The following CPHXL variants were observed in gnomAD, a reference collection of about 807,000 sequenced individuals.
CPHXL encodes cytoplasmic polyadenylated homeobox-like protein.
intron 1 of CPHXL, among the ~76,000 whole-genome samples, chr16:75,722,425 T>C (rs1171392198): frequency 1.3e-5 from 2 of 152,080 alleles, no homozygotes; most frequent in African/African-American, 2.4e-5. Context: ...AAAGGGGATA[T>C]CATCACTGAT....
At chr16:75,715,628 T>A (rs1959379589) in intron 2 of CPHXL, among the ~76,000 whole-genome samples, 2 of 152,186 alleles carry the variant, frequency 1.3e-5, no homozygotes, top group Admixed American at 6.5e-5. Context: ...ACCCTGCTAC[T>A]TTACTCATAC....
chr16:75,720,738 A>G (rs1382325688), intron 1 of CPHXL, among the ~76,000 whole-genome samples: 5 of 125,110 alleles, frequency 4.0e-5, no homozygotes, highest in Admixed American at 1.4e-4. Context: ...ATTCACATTC[A>G]GGAAATACAG....
chr16:75,719,506 C>T (rs2151839151), intron 1 of CPHXL, among the ~76,000 whole-genome samples: 1 of 152,296 alleles, frequency 6.6e-6, no homozygotes, highest in East Asian at 1.9e-4. Flanking sequence ...TCGCTCACTG[C>T]TAGCACAGCA....
intron 1 of CPHXL, among the ~76,000 whole-genome samples, chr16:75,722,931 C>T (rs569428191): frequency 1.3e-4 from 20 of 152,162 alleles, no homozygotes; most frequent in Non-Finnish European, 2.4e-4. Flanking sequence ...CCCTGGGATG[C>T]AAGGCTGGTT....
intron 2 of CPHXL, among the ~76,000 whole-genome samples, chr16:75,716,620 C>T (rs1017614451): frequency 1.3e-5 from 2 of 152,234 alleles, no homozygotes; most frequent in African/African-American, 4.8e-5. Flanking sequence ...CCTCTTCAAA[C>T]TCAGTGTCTT....
At chr16:75,718,233 T>A in intron 2 of CPHXL, 32 bp downstream of exon 2, 1 of 398,020 alleles carries the variant, frequency 2.5e-6, no homozygotes, top group Non-Finnish European at 4.4e-6. Context: ...AAAAAAAATC[T>A]AGGAAATATA....
Position 75,715,066 on chromosome 16 carries a change from G to C in CPHXL, c.376C>G (p.Leu126Val), listed in dbSNP as rs1642650137. ...ATCAGAGCCCTCTGGGCACCAGAGAGGCTCTGCTTGGTGGCATAGTTGTGA... is the reference window on the plus strand; with the variant it reads ...ATCAGAGCCCTCTGGGCACCAGAGACGCTCTGCTTGGTGGCATAGTTGTGA... ...AAHNYATKQSLSGAQRALMRR... is the reference protein window; with the variant it reads ...AAHNYATKQSVSGAQRALMRR... Residue 126 changes from leucine to valine, a missense_variant, in exon 3 of 3, where the codon CTC becomes GTC. Transcript: ENST00000640559. The C allele has an allele frequency of 2.5e-6, 1 of 398,634 alleles. No homozygotes were observed. The highest frequency in any genetic ancestry group is 2.1e-5 in the African/African-American group (1 of 48,636). 24.7% of individuals were successfully genotyped at this position (398,634 alleles called of 1,614,324 possible). A position where few individuals can be genotyped will look rare whatever the true frequency, so the allele number is the denominator to read the frequency against.
chr16:75,722,644 C>A (rs1162134103), intron 1 of CPHXL, among the ~76,000 whole-genome samples: 2 of 152,154 alleles, frequency 1.3e-5, no homozygotes, highest in Non-Finnish European at 2.9e-5. Context: ...CAGGACCAGA[C>A]GGATTCACAG....
intron 1 of CPHXL, among the ~76,000 whole-genome samples, chr16:75,720,515 C>T (rs113498972): frequency 8.2e-4 from 124 of 152,056 alleles, no homozygotes; most frequent in African/African-American, 2.9e-3. Context: ...GATGGAAGAT[C>T]AAAGGAATGC....
chr16:75,718,134 C>T (rs1301181710), intron 2 of CPHXL, 131 bp downstream of exon 2: 2 of 389,954 alleles, frequency 5.1e-6, no homozygotes, highest in Non-Finnish European at 9.0e-6. Context: ...GGGGGAATCA[C>T]CTGAGCCTGG....
chr16:75,725,704 G>A (rs11862062), intron 1 of CPHXL, among the ~76,000 whole-genome samples: 1,987 of 147,646 alleles, frequency 0.013, 49 homozygotes, highest in African/African-American at 0.047. Flanking sequence ...CACCCGCCTC[G>A]GCCTCACAAA....
At chr16:75,720,305 G>A (rs201292787) in intron 1 of CPHXL, among the ~76,000 whole-genome samples, 32 of 152,106 alleles carry the variant, frequency 2.1e-4, no homozygotes, top group Non-Finnish European at 3.4e-4. Context: ...AAACTACTCC[G>A]AGCTAAAGGA....
chr16:75,722,439 A>G (rs962867946), intron 1 of CPHXL, among the ~76,000 whole-genome samples: 19 of 152,238 alleles, frequency 1.2e-4, no homozygotes, highest in African/African-American at 4.1e-4. Flanking sequence ...CACTGATCCC[A>G]CAGAAATACA....
chr16:75,714,317 G>A lies in CPHXL; in HGVS notation c.1125C>T (p.Leu375=), dbSNP rs1401391310. ...PLCSQLQHMS[L]QIAADSPLLP... is the part of the protein sequence containing the mutation. Reference sequence around the variant, plus strand: ...GAAGGGGTGAGTCGGCAGCTATTTGGAGAGACATGTGCTGCAGTTGAGAGC... The same window carrying A: ...GAAGGGGTGAGTCGGCAGCTATTTGAAGAGACATGTGCTGCAGTTGAGAGC... Residue 375 remains leucine (L), a synonymous_variant, in exon 3 of 3, where the codon CTC becomes CTT. Coordinates refer to ENST00000640559, the MANE Select transcript of CPHXL (RefSeq NM_001355613.1). 1 of 398,488 alleles carries A rather than the reference G, an allele frequency of 2.5e-6. No homozygotes were observed. Among genetic ancestry groups the A allele is most frequent in the African/African-American group, 2.1e-5 (1 of 48,614 alleles). 24.7% of individuals were successfully genotyped at this position (398,488 alleles called of 1,614,324 possible).
At position 75,718,281 on chromosome 16, in the gene CPHXL, G is replaced by T. The variant is rs184909551; in HGVS notation, c.203C>A (p.Pro68Gln). Reference protein sequence around the residue: ...RKTLAIKFDCPVNVIDNWFQN... With the variant: ...RKTLAIKFDCQVNVIDNWFQN... ...TGAACTTACATCTATCACATTTACCGGACAATCAAATTTGATGGCCAGTGT... is the reference window on the plus strand; with the variant it reads ...TGAACTTACATCTATCACATTTACCTGACAATCAAATTTGATGGCCAGTGT... The change falls in exon 2 of 3, where the codon CCG becomes CAG. Residue 68 changes from proline (P) to glutamine (Q), a missense_variant. Transcript: ENST00000640559. 1 of 398,372 alleles carries T rather than the reference G, an allele frequency of 2.5e-6. No homozygotes were observed. Among genetic ancestry groups the T allele is most frequent in the African/African-American group, 2.1e-5 (1 of 48,544 alleles). The allele number at this position is 398,372 out of a possible 1,614,324, so 24.7% of individuals were successfully genotyped here.
chr16:75,721,191 G>C (rs9746035), intron 1 of CPHXL, among the ~76,000 whole-genome samples: 90,775 of 151,964 alleles, frequency 0.6, 30,540 homozygotes, highest in East Asian at 0.96. Context: ...GAAACTGCAT[G>C]AACTAAGGGG....
rs370908764 is a variant in CPHXL at position 75,716,287 on chromosome 16, C to G, written c.220-1065G>C. 4.6e-5 allele frequency among the ~76,000 whole-genome samples: 7 copies of G among 152,276 alleles called. No individual in the cohort carries two copies. In the East Asian group the frequency reaches 5.8e-4, roughly 13 times the overall value. On this transcript the variant is annotated intron_variant, in intron 2 of 2. Coordinates refer to ENST00000640559, the MANE Select transcript of CPHXL (RefSeq NM_001355613.1). ...GACACTATGTACCTGGAAATACTGT[C>G]AGATCCCACAGGTCGAGGGCTCAGT...
rs532889389 is a variant in CPHXL at position 75,722,535 on chromosome 16, A to T, written c.25+3883T>A. 3.3e-5 allele frequency among the ~76,000 whole-genome samples: 5 copies of T among 152,216 alleles called. No homozygotes were observed. In the South Asian group the frequency reaches 1.0e-3, roughly 32 times the overall value. On this transcript the variant is annotated intron_variant, in intron 1 of 2. Transcript: ENST00000640559. ...AATGGATAAATTCCTAGACACATAC[A>T]CCCTCCCAAGACTAAACCAGGAAGA...
At chr16:75,722,476 A>T (rs1959491880) in intron 1 of CPHXL, among the ~76,000 whole-genome samples, 1 of 152,178 alleles carries the variant, frequency 6.6e-6, no homozygotes, top group South Asian at 2.1e-4. Flanking sequence ...TACTATAAAC[A>T]CCTCTACACA....
Sources: allele counts gnomAD v4.1 joint callset (sites outside exome capture counted in the v4.1 genomes callset), GRCh38; gene constraint gnomAD v4.1.1; transcripts MANE v1.5; gene names NCBI Gene and HGNC (gene_info 2026-07-23, HGNC 2026-07-21).